DPP6: variants seen among roughly 807,000 people sequenced by gnomAD.
DPP6 encodes the protein A-type potassium channel modulatory protein DPP6.
A neutral mutation model predicts 122.6 loss-of-function variants in DPP6; 69 were observed. That is an observed-to-expected ratio of 0.56 (90% CI 0.46 to 0.69). The LOEUF (loss-of-function observed/expected upper bound fraction) is 0.69, where lower values mean the gene tolerates loss of function less well. Ranked by LOEUF, DPP6 falls within the 30% of genes least tolerant of loss-of-function variation. DPP6 has a pLI of 0.00. For synonymous variants in DPP6, 418 were observed against 433.1 expected (o/e 0.97, Z 0.43); for missense variants, 928 against 1,116.9 (o/e 0.83, Z 2.41).
chr7:154,191,298 T>C (rs1360021508), intron 1 of DPP6, among the ~76,000 whole-genome samples: 2 of 152,256 alleles, frequency 1.3e-5, no homozygotes, highest in Admixed American at 6.5e-5. Flanking sequence ...ATCATTGACA[T>C]TGAATATGTA....
intron 1 of DPP6, 67 bp downstream of exon 1, chr7:154,053,130 C>A (rs989596306): frequency 4.2e-6 from 4 of 950,244 alleles, no homozygotes; most frequent in African/African-American, 3.5e-5. Context: ...CGAGACGCGT[C>A]GGCAGGGGAA....
chr7:154,804,012 T>C, intron 14 of DPP6, 57 bp downstream of exon 14: 1 of 1,580,962 alleles, frequency 6.3e-7, no homozygotes, highest in Non-Finnish European at 8.6e-7. Flanking sequence ...ACATTTGTTA[T>C]TTTTTGTCAA....
In DPP6 at chr7:154,486,952, A is replaced by T. The variant is rs759557720; in HGVS notation, c.457+11915A>T. Among the ~76,000 whole-genome samples the T allele has an allele frequency of 6.6e-6, 1 of 152,178 alleles. No homozygotes were observed. The highest frequency in any genetic ancestry group is 1.5e-5 in the Non-Finnish European group (1 of 68,032). ...AGTCTCTGCAGGCTCCACTGGGCCAACTTGCTTCCTGCAGAGATACATGTT... is the reference window on the plus strand; with the variant it reads ...AGTCTCTGCAGGCTCCACTGGGCCATCTTGCTTCCTGCAGAGATACATGTT... On this transcript the variant is annotated intron_variant, in intron 3 of 25. Coordinates refer to ENST00000377770, the MANE Select transcript of DPP6 (RefSeq NM_130797.4). This position sits in a 1 kb window ranked among gnomAD's most constrained non-coding sequence, Gnocchi z 4.5.
intron 1 of DPP6, among the ~76,000 whole-genome samples, chr7:153,921,930 T>C (rs1185491036): frequency 6.6e-6 from 1 of 152,232 alleles, no homozygotes. Flanking sequence ...GCTGTGCATT[T>C]TGGAGAGTGC....
chr7:154,509,393 G>A (rs551639390), intron 3 of DPP6, among the ~76,000 whole-genome samples: 13 of 152,256 alleles, frequency 8.5e-5, no homozygotes, highest in East Asian at 3.9e-4. Context: ...TGACGTCATC[G>A]TTCAGCAGGA....
intron 3 of DPP6, among the ~76,000 whole-genome samples, chr7:154,507,864 G>A (rs909111436): frequency 3.3e-5 from 5 of 152,116 alleles, no homozygotes; most frequent in South Asian, 2.1e-4. Context: ...TTCTATGCTT[G>A]GGTTCAATTA....
intron 1 of DPP6, among the ~76,000 whole-genome samples, chr7:154,011,704 A>G (rs1271425907): frequency 6.6e-6 from 1 of 152,244 alleles, no homozygotes; most frequent in African/African-American, 2.4e-5. Context: ...CAACAAAAAA[A>G]GCGAGTTTTT....
chr7:154,615,515 G>A (rs573752867), intron 5 of DPP6, among the ~76,000 whole-genome samples: 11 of 152,106 alleles, frequency 7.2e-5, no homozygotes, highest in South Asian at 2.1e-4. Context: ...TACACATAAC[G>A]TTTATTATTT....
At chr7:154,837,233 C>T (rs60131802) in intron 16 of DPP6, among the ~76,000 whole-genome samples, 8,967 of 150,086 alleles carry the variant, frequency 0.06, 864 homozygotes, top group African/African-American at 0.21. Context: ...CACACACACA[C>T]GCATGCATAA....
At chr7:154,221,308 T>G (rs1467575447) in intron 1 of DPP6, among the ~76,000 whole-genome samples, 2 of 152,106 alleles carry the variant, frequency 1.3e-5, no homozygotes, top group Admixed American at 6.5e-5. Context: ...GCCCAGCTAA[T>G]TTTTGTATTT....
chr7:154,724,966 T>A (rs1213860751), intron 7 of DPP6, among the ~76,000 whole-genome samples: 1 of 152,220 alleles, frequency 6.6e-6, no homozygotes, highest in Non-Finnish European at 1.5e-5. Context: ...TTTTTTTCAA[T>A]AGCTTTCTGA....
At chr7:154,767,324 T>C (rs1283930962) in intron 8 of DPP6, among the ~76,000 whole-genome samples, 1 of 152,162 alleles carries the variant, frequency 6.6e-6, no homozygotes, top group Non-Finnish European at 1.5e-5. Context: ...GCAGACGTGA[T>C]TGAGCACAAT....
the DPP6 span, among the ~76,000 whole-genome samples, chr7:153,778,613 A>G: frequency 1.3e-5 from 2 of 151,126 alleles, no homozygotes. Flanking sequence ...AATCAAGAGA[A>G]AGAATAGTTT....
chr7:154,028,625 C>T (rs1459240731), intron 1 of DPP6, among the ~76,000 whole-genome samples: 2 of 151,888 alleles, frequency 1.3e-5, no homozygotes, highest in African/African-American at 2.4e-5. Context: ...GGCAAGCCCT[C>T]TTCCTTTCTT....
At chr7:153,928,396 A>ATTTTTTTTTCTTTTTTTTTTTTTT (rs1801012133) in intron 1 of DPP6, among the ~76,000 whole-genome samples, 1 of 43,672 alleles carries the variant, frequency 2.3e-5, no homozygotes, top group Non-Finnish European at 4.4e-5. Flanking sequence ...CTTTTCTTTC[A>ATTTTTTTTTCTTTTTTTTTTTTTT]TTTTTTTTTT....
intron 4 of DPP6, among the ~76,000 whole-genome samples, chr7:154,553,800 G>A (rs1410481209): frequency 2.0e-5 from 3 of 150,984 alleles, no homozygotes; most frequent in African/African-American, 7.3e-5. Context: ...TCATATCTGT[G>A]AGTCCATCAT....
intron 6 of DPP6, among the ~76,000 whole-genome samples, chr7:154,652,815 C>T (rs10275212): frequency 0.12 from 18,330 of 151,902 alleles, 1,130 homozygotes; most frequent in East Asian, 0.16. Flanking sequence ...GCAATTTGTT[C>T]TCAAGGCCAA....
At chr7:154,507,053 A>G (rs2129721513) in intron 3 of DPP6, among the ~76,000 whole-genome samples, 1 of 152,308 alleles carries the variant, frequency 6.6e-6, no homozygotes, top group South Asian at 2.1e-4. Flanking sequence ...TTTCCAAGTG[A>G]ACAAAGTATA....
chr7:153,909,455 A>G (rs868206839), intron 1 of DPP6, among the ~76,000 whole-genome samples: 1 of 152,028 alleles, frequency 6.6e-6, no homozygotes, highest in Non-Finnish European at 1.5e-5. Flanking sequence ...TTAAAAACTC[A>G]CAAGACAACT....
Sources: allele counts gnomAD v4.1 joint callset (sites outside exome capture counted in the v4.1 genomes callset), GRCh38; gene constraint gnomAD v4.1.1; non-coding constraint Gnocchi (gnomAD v3.1); transcripts MANE v1.5; gene names NCBI Gene and HGNC (gene_info 2026-07-23, HGNC 2026-07-21).